Variants in SACM1L observed in about 807,000 individuals in gnomAD.
SACM1L encodes phosphatidylinositol-3-phosphatase SAC1.
SACM1L carries 32 observed loss-of-function variants against 89.5 expected under a neutral mutation model. The observed-to-expected ratio is 0.36, with a 90% CI of 0.27 to 0.48. SACM1L has a LOEUF of 0.48. Among genes scored for constraint, SACM1L ranks in the 20% least tolerant of loss-of-function variants. The probability of loss-of-function intolerance (pLI) is 0.99; values close to 1 mark genes in which losing one functional copy is unlikely to be tolerated. For synonymous variants in SACM1L, 213 were observed against 232.8 expected (o/e 0.92, Z 0.77); for missense variants, 543 against 708.5 (o/e 0.77, Z 2.65).
At chr3:45,703,406 G>A (rs1199231243) in intron 1 of SACM1L, 32 bp from the exon 2 acceptor site, 2 of 1,405,448 alleles carry the variant, frequency 1.4e-6, no homozygotes, top group East Asian at 2.3e-5. Flanking sequence ...ATTTCATTTG[G>A]TTAGTTATTT....
chr3:45,713,083 G>A, intron 5 of SACM1L, 54 bp from the exon 6 acceptor site: 1 of 1,450,570 alleles, frequency 6.9e-7, no homozygotes, highest in Non-Finnish European at 9.6e-7. Context: ...TTTTCTTTCT[G>A]TAGAAAGTAA....
chr3:45,731,704 G>A (rs1265879424), intron 12 of SACM1L, among the ~76,000 whole-genome samples: 1 of 152,162 alleles, frequency 6.6e-6, no homozygotes, highest in Non-Finnish European at 1.5e-5. Flanking sequence ...GTGCATACCT[G>A]ATTGCTGTAC....
chr3:45,738,074 C>G (rs537742726), intron 16 of SACM1L, among the ~76,000 whole-genome samples: 1 of 152,152 alleles, frequency 6.6e-6, no homozygotes, highest in Non-Finnish European at 1.5e-5. Flanking sequence ...TGAGAGCCAC[C>G]GCTCCACAGT....
chr3:45,712,152 C>CGAAT, intron 5 of SACM1L, among the ~76,000 whole-genome samples: 1 of 151,454 alleles, frequency 6.6e-6, no homozygotes, highest in African/African-American at 2.5e-5. Flanking sequence ...AAAAGCCATT[C>CGAAT]CCTGTGACTT....
chr3:45,696,776 A>G (rs1023220834), intron 1 of SACM1L, among the ~76,000 whole-genome samples: 1 of 152,222 alleles, frequency 6.6e-6, no homozygotes, highest in Admixed American at 6.5e-5. Context: ...GTTGTCTGAA[A>G]TAAGACGTGA....
chr3:45,727,947 T>C (rs1698962427), intron 11 of SACM1L, among the ~76,000 whole-genome samples: 1 of 152,238 alleles, frequency 6.6e-6, no homozygotes, highest in Non-Finnish European at 1.5e-5. Context: ...GTCAGTGTGC[T>C]TCATTATATT....
At chr3:45,738,724 G>A (rs1467642016) in intron 17 of SACM1L, 53 bp downstream of exon 17, 1 of 1,512,698 alleles carries the variant, frequency 6.6e-7, no homozygotes, top group Admixed American at 1.7e-5. Context: ...TCTTTGCATT[G>A]TTCATCACTA....
rs1233672742 is a variant in SACM1L at position 45,726,937 on chromosome 3, C to G, written c.921+3394C>G. ...TCTGTCACCCAGGCCGGACTGCGGA[C>G]TGCAGTGGCGCAATCTCGGCTCACT... On this transcript the variant is annotated intron_variant, in intron 11 of 19. Transcript: ENST00000389061. 1.0e-4 allele frequency among the ~76,000 whole-genome samples: 2 copies of G among 19,090 alleles called. 1 individual carries two copies. The highest frequency in any genetic ancestry group is 9.5e-4 in the Admixed American group (2 of 2,114). 12.5% of individuals were successfully genotyped at this position (19,090 alleles called of 152,430 possible). A position where few individuals can be genotyped will look rare whatever the true frequency, so the allele number is the denominator to read the frequency against.
chr3:45,740,649 T>C (rs766757968), intron 19 of SACM1L, among the ~76,000 whole-genome samples: 1 of 152,252 alleles, frequency 6.6e-6, no homozygotes, highest in Non-Finnish European at 1.5e-5. Context: ...GAAAATATTA[T>C]TTATCATCAT....
At position 45,689,486 on chromosome 3, in the gene SACM1L, G is replaced by A; in HGVS notation, c.21G>A (p.Glu7=). Residue 7 remains glutamate, a synonymous_variant, in exon 1 of 20, where the codon GAG becomes GAA. Transcript: ENST00000389061. MATAAY[E]QLKLHITPEK... ...GCAGGATGGCGACGGCGGCCTACGA[G>A]CAGCTGAAGCTGTGAGTCCCACGGG... The A allele has an allele frequency of 6.3e-7, 1 of 1,580,154 alleles. No individual in the cohort carries two copies. Among genetic ancestry groups the A allele is most frequent in the Non-Finnish European group, 8.6e-7 (1 of 1,164,118 alleles).
chr3:45,737,927 ACAG>A lies in SACM1L; in HGVS notation c.1382+92_1382+94del, dbSNP rs575700322. 401 of 1,095,918 alleles carry A rather than the reference ACAG, an allele frequency of 3.7e-4. 4 individuals are homozygous for A. In the East Asian group the frequency reaches 8.7e-3, roughly 24 times the overall value. The allele number at this position is 1,095,918 out of a possible 1,614,324, so 67.9% of individuals were successfully genotyped here. ...TAAAAATCACCTGGGCAGCTTTCAG[ACAG>A]CAGCAGCAACAACAGCAAGACTCCA... On this transcript the variant is annotated intron_variant, in intron 16 of 19. Coordinates refer to ENST00000389061, the MANE Select transcript of SACM1L (RefSeq NM_014016.5).
At chr3:45,732,634 A>G (rs763016667) in intron 13 of SACM1L, among the ~76,000 whole-genome samples, 6 of 152,200 alleles carry the variant, frequency 3.9e-5, no homozygotes, top group Non-Finnish European at 8.8e-5. Context: ...TTGTGGTGCC[A>G]TGAATCATTA....
At position 45,705,151 on chromosome 3, in the gene SACM1L, T is replaced by A. The variant is rs945573387; in HGVS notation, c.147T>A (p.Pro49=). The A allele has an allele frequency of 1.9e-6, 3 of 1,609,150 alleles. No individual in the cohort carries two copies. The African/African-American group carries it at 4.0e-5, about 22-fold the overall frequency. The change falls in exon 3 of 20, where the codon CCT becomes CCA. Residue 49 remains proline (P), a synonymous_variant. Transcript: ENST00000389061. ...EVTLAVKKDV[P]PSAVTRPIFG... ...CTTTTAAAGTCAAGAAAGATGTTCCTCCTTCAGCTGTCACAAGACCAATAT... is the reference window on the plus strand; with the variant it reads ...CTTTTAAAGTCAAGAAAGATGTTCCACCTTCAGCTGTCACAAGACCAATAT...
intron 1 of SACM1L, among the ~76,000 whole-genome samples, chr3:45,694,806 G>C (rs1359068672): frequency 6.6e-6 from 1 of 152,160 alleles, no homozygotes; most frequent in Non-Finnish European, 1.5e-5. Context: ...AGAATTCTTT[G>C]GAAGATATGG....
chr3:45,706,937 G>T, intron 4 of SACM1L, 30 bp downstream of exon 4: 1 of 1,606,622 alleles, frequency 6.2e-7, no homozygotes, highest in South Asian at 1.1e-5. Flanking sequence ...ACTAATTGCA[G>T]CGCCCAAAGA....
intron 13 of SACM1L, among the ~76,000 whole-genome samples, chr3:45,733,998 G>A (rs1159597492): frequency 1.3e-5 from 2 of 152,106 alleles, no homozygotes; most frequent in Non-Finnish European, 2.9e-5. Context: ...AACTGTGGTT[G>A]GTTGCAGTGC....
rs1339835755 is a variant in SACM1L at position 45,726,955 on chromosome 3, G to A, written c.921+3412G>A. On this transcript the variant is annotated intron_variant, in intron 11 of 19. Transcript: ENST00000389061. ...CTGCGGACTGCAGTGGCGCAATCTC[G>A]GCTCACTGCAAGCTCCGCTTCCCGG... Among the ~76,000 whole-genome samples the A allele has an allele frequency of 4.2e-5, 3 of 71,826 alleles. 1 individual carries two copies. Among genetic ancestry groups the A allele is most frequent in the Non-Finnish European group, 5.9e-5 (2 of 34,026 alleles). The allele number at this position is 71,826 out of a possible 152,430, so 47.1% of individuals were successfully genotyped here.
chr3:45,702,260 C>T (rs1396182617), intron 1 of SACM1L, among the ~76,000 whole-genome samples: 1 of 152,242 alleles, frequency 6.6e-6, no homozygotes, highest in African/African-American at 2.4e-5. Flanking sequence ...GGACATTTTT[C>T]TATAATGCCA....
intron 3 of SACM1L, among the ~76,000 whole-genome samples, chr3:45,705,486 T>G (rs1037552522): frequency 1.3e-5 from 2 of 150,838 alleles, no homozygotes; most frequent in African/African-American, 2.5e-5. Context: ...AAATGGAGTA[T>G]GTAAATAAAA....
Sources: gnomAD v4.1 joint callset for allele counts (sites outside exome capture counted in the v4.1 genomes callset) on GRCh38, gnomAD v4.1.1 for gene constraint, MANE v1.5 for transcripts, NCBI Gene and HGNC (gene_info 2026-07-23, HGNC 2026-07-21) for gene names.